The following PFKFB3 variants were observed in gnomAD, a reference collection of about 807,000 sequenced individuals.
The protein encoded by PFKFB3 is 6-phosphofructo-2-kinase/fructose-2,6-biphosphatase 3, also known as 6-phosphofructo-2-kinase/fructose-2,6-bisphosphatase 3.
Under a neutral mutation model 68.0 loss-of-function variants are expected in PFKFB3, and 33 were observed. That is an observed-to-expected ratio of 0.49 (90% CI 0.37 to 0.65). The LOEUF is 0.65. PFKFB3 is among the 30% of genes least tolerant of loss of function. The pLI is 0.00. For synonymous variants in PFKFB3, 315 were observed against 288.2 expected, an observed-to-expected ratio of 1.09 and a Z score of -0.94; for missense variants, 586 against 712.2, an observed-to-expected ratio of 0.82 and a Z score of 2.02.
At chr10:6,253,403 GA>G (rs913584805) in intron 14 of PFKFB3, among the ~76,000 whole-genome samples, 2 of 152,086 alleles carry the variant, frequency 1.3e-5, no homozygotes, top group African/African-American at 2.4e-5. Context: ...AGTGCTCTCC[GA>G]AAATTTAACA....
At chr10:6,204,028 G>A (rs1564616523) in intron 1 of PFKFB3, among the ~76,000 whole-genome samples, 1 of 152,188 alleles carries the variant, frequency 6.6e-6, no homozygotes, top group Non-Finnish European at 1.5e-5. Context: ...TCGGTGGGTT[G>A]GTGAGTGCAC....
chr10:6,239,256 T>A (rs182245046), downstream of PFKFB3, among the ~76,000 whole-genome samples: 1 of 152,260 alleles, frequency 6.6e-6, no homozygotes, highest in East Asian at 1.9e-4. Flanking sequence ...AAATGCAAGG[T>A]AGATGCTATT....
chr10:6,314,787 G>A, the PFKFB3 span, among the ~76,000 whole-genome samples: 1 of 152,210 alleles, frequency 6.6e-6, no homozygotes, highest in African/African-American at 2.4e-5. Flanking sequence ...ACAGCCTGAC[G>A]GGAAGGGCTC....
the PFKFB3 span, among the ~76,000 whole-genome samples, chr10:6,305,673 C>T: frequency 6.6e-6 from 1 of 152,132 alleles, no homozygotes; most frequent in Non-Finnish European, 1.5e-5. Flanking sequence ...TTCTTTCTTT[C>T]GTGTTTAAAA....
At chr10:6,192,942 C>T (rs1156959728) in intron 1 of PFKFB3, among the ~76,000 whole-genome samples, 1 of 152,152 alleles carries the variant, frequency 6.6e-6, no homozygotes, top group Non-Finnish European at 1.5e-5. Context: ...GGCTGCTGTT[C>T]TCATTCTACA....
At chr10:6,177,389 T>TTTCTCTTTCTTTCTTTCTTTCTTTC (rs1842515028) in intron 1 of PFKFB3, among the ~76,000 whole-genome samples, 1 of 122,970 alleles carries the variant, frequency 8.1e-6, no homozygotes, top group Non-Finnish European at 1.8e-5. Flanking sequence ...TCTTTCTTTC[T>TTTCTCTTTCTTTCTTTCTTTCTTTC]TTCTTTCTTT....
intron 11 of PFKFB3, 39 bp downstream of exon 11, chr10:6,223,023 A>C (rs201218178): frequency 1.3e-6 from 2 of 1,597,464 alleles, no homozygotes; most frequent in East Asian, 4.5e-5. Flanking sequence ...TGGAGGGAGG[A>C]GGGGACTGGC....
At chr10:6,269,572 T>C in the PFKFB3 span, among the ~76,000 whole-genome samples, 1 of 152,190 alleles carries the variant, frequency 6.6e-6, no homozygotes, top group Non-Finnish European at 1.5e-5. Context: ...GCAGTGAATA[T>C]AGGCTTTGCC....
At chr10:6,289,754 G>C in the PFKFB3 span, among the ~76,000 whole-genome samples, 1 of 152,120 alleles carries the variant, frequency 6.6e-6, no homozygotes, top group South Asian at 2.1e-4. Flanking sequence ...GTCATTGGTA[G>C]CTTGATGGGG....
At chr10:6,227,803 T>C (rs2132025142) in intron 14 of PFKFB3, among the ~76,000 whole-genome samples, 1 of 152,310 alleles carries the variant, frequency 6.6e-6, no homozygotes, top group South Asian at 2.1e-4. Context: ...CTCTCATACA[T>C]ATTCCCTTGC....
At chr10:6,161,698 T>A (rs1188369550) in intron 1 of PFKFB3, among the ~76,000 whole-genome samples, 6 of 151,816 alleles carry the variant, frequency 4.0e-5, no homozygotes, top group Non-Finnish European at 5.9e-5. Flanking sequence ...AGTGGTGCCA[T>A]CAGGACTTGC....
chr10:6,174,884 C>T (rs958947715), intron 1 of PFKFB3, among the ~76,000 whole-genome samples: 1 of 151,158 alleles, frequency 6.6e-6, no homozygotes, highest in Non-Finnish European at 1.5e-5. Context: ...GGCACGATCT[C>T]GGCTCACTGC....
In PFKFB3 at chr10:6,229,228, A is replaced by G. The variant is rs1017575062; in HGVS notation, c.1515+2863A>G. 4.1e-6 allele frequency: 2 copies of G among 486,968 alleles called. No homozygotes were observed. The highest frequency in any genetic ancestry group is 2.3e-5 in the Admixed American group (1 of 44,406). The allele number at this position is 486,968 out of a possible 1,614,324, so 30.2% of individuals were successfully genotyped here. On this transcript the variant is annotated intron_variant, in intron 14 of 14. Transcript: ENST00000379775. The surrounding 1 kb of genome is among the most constrained non-coding windows in gnomAD (Gnocchi z 4.3). ...TGGTGGCAAAGGGGTGAAGGGCCAG[A>G]GGATGTACCAGTGTCCTCCATGTCC...
chr10:6,179,176 A>G (rs1032326520), intron 1 of PFKFB3, among the ~76,000 whole-genome samples: 1 of 152,188 alleles, frequency 6.6e-6, no homozygotes, highest in African/African-American at 2.4e-5. Flanking sequence ...ACTGGAGGAG[A>G]AAGTGGGGCA....
chr10:6,204,487 C>T (rs931229111), intron 1 of PFKFB3, among the ~76,000 whole-genome samples: 33 of 152,220 alleles, frequency 2.2e-4, no homozygotes, highest in Admixed American at 3.9e-4. Flanking sequence ...TCTGAATCAC[C>T]GGCCTCGTCC....
rs1844985665 is a variant in PFKFB3 at position 6,221,823 on chromosome 10, G to T, written c.1083+78G>T. On this transcript the variant is annotated intron_variant, in intron 10 of 14. Transcript: ENST00000379775. ...GTGCAGGGCTGGGCCACCCCTCCAG[G>T]GAGTTCACTTCCGTGTGGGTTCTGG... 6 of 970,628 alleles carry T rather than the reference G, an allele frequency of 6.2e-6. No homozygotes were observed. In the Admixed American group the frequency reaches 1.0e-4, roughly 17 times the overall value. The allele number at this position is 970,628 out of a possible 1,614,324, so 60.1% of individuals were successfully genotyped here.
chr10:6,262,045 AG>A, the PFKFB3 span, among the ~76,000 whole-genome samples: 1 of 151,448 alleles, frequency 6.6e-6, no homozygotes, highest in Non-Finnish European at 1.5e-5. Flanking sequence ...AAAAACTCTT[AG>A]ATACTAGACT....
intron 1 of PFKFB3, among the ~76,000 whole-genome samples, chr10:6,184,471 T>C (rs1842815762): frequency 6.6e-6 from 1 of 151,984 alleles, no homozygotes; most frequent in Non-Finnish European, 1.5e-5. Flanking sequence ...GATTCTTTTT[T>C]TTATTTTGTA....
At chr10:6,145,036 C>G in intron 1 of PFKFB3, 1 of 1,326,378 alleles carries the variant, frequency 7.5e-7, no homozygotes, top group East Asian at 3.1e-5. Flanking sequence ...GTGACGCGGC[C>G]CACGCCCCCA....
Sources: gnomAD v4.1 joint callset for allele counts (sites outside exome capture counted in the v4.1 genomes callset) on GRCh38, gnomAD v4.1.1 for gene constraint, Gnocchi (gnomAD v3.1) non-coding constraint, MANE v1.5 for transcripts, NCBI Gene and HGNC (gene_info 2026-07-23, HGNC 2026-07-21) for gene names.